SIPA1L1: variants seen among roughly 807,000 people sequenced by gnomAD.
The protein encoded by SIPA1L1 is signal-induced proliferation-associated 1-like protein 1.
Under a neutral mutation model 162.7 loss-of-function variants are expected in SIPA1L1, and 26 were observed. The ratio of observed to expected loss-of-function variants is 0.16; its 90% CI spans 0.12 to 0.22. SIPA1L1 has a LOEUF of 0.22. Among genes scored for constraint, SIPA1L1 ranks in the 10% least tolerant of loss-of-function variants. The pLI is 1.00. For missense variants in SIPA1L1, 1,874 were observed against 2,241.0 expected, an observed-to-expected ratio of 0.84 and a Z score of 3.31; for synonymous variants, 829 against 837.4, an observed-to-expected ratio of 0.99 and a Z score of 0.17.
chr14:71,578,522 A>G (rs2033455166), intron 4 of SIPA1L1, among the ~76,000 whole-genome samples: 2 of 152,220 alleles, frequency 1.3e-5, no homozygotes, highest in East Asian at 3.8e-4. Context: ...AACTTGACTA[A>G]TAGCCTACTG....
In SIPA1L1 at chr14:71,485,797, C is replaced by A. The variant is rs77849956; in HGVS notation, c.-464-26946C>A. 2.4e-3 allele frequency among the ~76,000 whole-genome samples: 372 copies of A among 152,216 alleles called. 5 individuals carry two copies. The highest frequency in any genetic ancestry group is 4.0e-3 in the Non-Finnish European group (274 of 68,018). ...TCTGTGGTGCCAAAAAGATTGGGGA[C>A]CGCTGGTTTAGGGCATAGACCCCCA... On this transcript the variant is annotated intron_variant, in intron 2 of 23. Coordinates refer to ENST00000381232, the MANE Select transcript of SIPA1L1 (RefSeq NM_001386936.1).
In SIPA1L1 at chr14:71,701,118, G is replaced by A. The variant is rs541742752; in HGVS notation, c.3522-1263G>A. Among the ~76,000 whole-genome samples the A allele has an allele frequency of 1.9e-4, 28 of 150,156 alleles. No individual in the cohort carries two copies. The Middle Eastern group carries it at 0.011, about 58-fold the overall frequency. On this transcript the variant is annotated intron_variant, in intron 14 of 23. Coordinates refer to ENST00000381232, the MANE Select transcript of SIPA1L1 (RefSeq NM_001386936.1). ...TTTTTCTCCTTGGCTTCTTATAATG[G>A]AATTGCCGTTTTACACATAAATTGA...
At chr14:71,547,898 C>G (rs1028381245) in intron 4 of SIPA1L1, among the ~76,000 whole-genome samples, 1 of 152,178 alleles carries the variant, frequency 6.6e-6, no homozygotes, top group African/African-American at 2.4e-5. Context: ...CAACAACCAG[C>G]TGAGCGCGGG....
At chr14:71,694,308 C>T (rs1350439990) in intron 13 of SIPA1L1, among the ~76,000 whole-genome samples, 3 of 152,040 alleles carry the variant, frequency 2.0e-5, no homozygotes, top group Admixed American at 6.6e-5. Context: ...GAATGAAGGA[C>T]GTATCTTGGA....
At chr14:71,665,547 A>G (rs1341149850) in intron 10 of SIPA1L1, among the ~76,000 whole-genome samples, 1 of 152,212 alleles carries the variant, frequency 6.6e-6, no homozygotes, top group Non-Finnish European at 1.5e-5. Context: ...GAAGCAAAAA[A>G]AAGAAGAAGG....
chr14:71,428,578 T>A (rs1358947229), intron 2 of SIPA1L1, among the ~76,000 whole-genome samples: 1 of 152,208 alleles, frequency 6.6e-6, no homozygotes, highest in East Asian at 1.9e-4. Context: ...TGTCTGGCCC[T>A]TAAAAGGGGT....
chr14:71,642,055 C>G (rs1567378761), intron 7 of SIPA1L1, among the ~76,000 whole-genome samples: 1 of 152,314 alleles, frequency 6.6e-6, no homozygotes, highest in East Asian at 1.9e-4. Context: ...AGGCAAATTT[C>G]TGCTTCTTGC....
At chr14:71,668,951 A>C (rs1160885254) in intron 10 of SIPA1L1, among the ~76,000 whole-genome samples, 1 of 152,194 alleles carries the variant, frequency 6.6e-6, no homozygotes, top group East Asian at 1.9e-4. Context: ...TTTTTTCTAA[A>C]TATTCTGTTT....
At chr14:71,479,112 T>C (rs924542507) in intron 2 of SIPA1L1, among the ~76,000 whole-genome samples, 11 of 152,116 alleles carry the variant, frequency 7.2e-5, no homozygotes, top group Non-Finnish European at 1.3e-4. Flanking sequence ...GCTGGTGATT[T>C]CTTACGAAAA....
rs1192179617 is a variant in SIPA1L1, at chr14:71,730,059, A to T, written c.4619A>T (p.His1540Leu). 6.2e-7 allele frequency: 1 copy of T among 1,613,418 alleles called. No homozygotes were observed. The highest frequency in any genetic ancestry group is 2.2e-5 in the East Asian group (1 of 44,884). Residue 1540 changes from histidine to leucine, a missense_variant, in exon 20 of 24, where the codon CAC becomes CTC. This residue lies in a region of SIPA1L1 where 936 missense variants were observed against 1,051.9 expected (regional missense o/e 0.89). Coordinates refer to ENST00000381232, the MANE Select transcript of SIPA1L1 (RefSeq NM_001386936.1). ...TPESQKSFKF[H>L]ALSSPQSPFP... ...TGTCTTGATCCTGTTTTTCAGTTCC[A>T]CGCACTCTCCTCTCCTCAGTCTCCT...
At chr14:71,439,812 A>G (rs1246117290) in intron 2 of SIPA1L1, among the ~76,000 whole-genome samples, 3 of 152,222 alleles carry the variant, frequency 2.0e-5, no homozygotes, top group African/African-American at 7.2e-5. Context: ...AGAAGTGTCT[A>G]CATCTATTCA....
chr14:71,550,130 G>T (rs1342227987), intron 4 of SIPA1L1, among the ~76,000 whole-genome samples: 3 of 152,156 alleles, frequency 2.0e-5, no homozygotes, highest in African/African-American at 7.2e-5. Context: ...GCGTGCACTT[G>T]TAGTCCCAGG....
intron 4 of SIPA1L1, among the ~76,000 whole-genome samples, chr14:71,584,373 C>T (rs2034325772): frequency 6.6e-6 from 1 of 152,196 alleles, no homozygotes; most frequent in South Asian, 2.1e-4. Flanking sequence ...TACTGTGGTA[C>T]AATTAGTCCC....
At chr14:71,696,377 G>A (rs1326647145) in intron 13 of SIPA1L1, among the ~76,000 whole-genome samples, 1 of 152,200 alleles carries the variant, frequency 6.6e-6, no homozygotes, top group African/African-American at 2.4e-5. Flanking sequence ...TATGTAAGAT[G>A]GATGATACTC....
At chr14:71,683,048 G>A (rs1489329545) in intron 12 of SIPA1L1, among the ~76,000 whole-genome samples, 1 of 152,204 alleles carries the variant, frequency 6.6e-6, no homozygotes, top group Non-Finnish European at 1.5e-5. Context: ...CAGCTACTCA[G>A]GAGGCTGAGA....
At chr14:71,642,022 A>G (rs1056209894) in intron 7 of SIPA1L1, among the ~76,000 whole-genome samples, 8 of 152,306 alleles carry the variant, frequency 5.3e-5, no homozygotes, top group Non-Finnish European at 1.0e-4. Context: ...ATCATACATC[A>G]ATAAAGTTGA....
chr14:71,699,221 C>T (rs1302654823), intron 14 of SIPA1L1, 94 bp downstream of exon 14: 1 of 1,210,076 alleles, frequency 8.3e-7, no homozygotes, highest in Non-Finnish European at 1.2e-6. Flanking sequence ...ATTCAGCCAG[C>T]CTTGATCAAT....
chr14:71,387,995 C>G (rs1185531202), intron 2 of SIPA1L1, among the ~76,000 whole-genome samples: 1 of 152,152 alleles, frequency 6.6e-6, no homozygotes, highest in Non-Finnish European at 1.5e-5. Context: ...GGATAAAAGC[C>G]AAGACAGATC....
intron 2 of SIPA1L1, among the ~76,000 whole-genome samples, chr14:71,452,026 T>TA (rs2045865540): frequency 6.6e-6 from 1 of 152,226 alleles, no homozygotes; most frequent in African/African-American, 2.4e-5. Context: ...CTTACTTGCT[T>TA]ATAAGTTAAA....
Sources: allele counts gnomAD v4.1 joint callset (sites outside exome capture counted in the v4.1 genomes callset), GRCh38; gene constraint gnomAD v4.1.1; regional missense constraint gnomAD v4.1.1; transcripts MANE v1.5; gene names NCBI Gene and HGNC (gene_info 2026-07-23, HGNC 2026-07-21).